The following ADK variants were observed in gnomAD, a reference collection of about 807,000 sequenced individuals.
ADK encodes adenosine kinase, also known as N6,N6-dimethyladenosine kinase.
A neutral mutation model predicts 44.7 loss-of-function variants in ADK; 24 were observed. The ratio of observed to expected loss-of-function variants is 0.54; its 90% confidence interval spans 0.39 to 0.76. ADK has a LOEUF of 0.76. ADK is among the 30% of genes least tolerant of loss of function. The pLI is 0.00. For missense variants in ADK, 321 were observed against 425.1 expected (o/e 0.76, Z 2.15); for synonymous variants, 128 against 142.6 (o/e 0.90, Z 0.73).
rs563673309 is a variant in ADK, at chr10:74,217,595, T to G, written c.141-6943T>G. Among the ~76,000 whole-genome samples the G allele has an allele frequency of 9.1e-4, 138 of 152,154 alleles. 1 individual carries two copies. The South Asian group carries it at 0.027, about 30-fold the overall frequency. On this transcript the variant is annotated intron_variant, in intron 2 of 10. Coordinates refer to ENST00000539909, the MANE Select transcript of ADK (RefSeq NM_006721.4). ...AAGTGGGTCCCTGACCCCTGACCCC[T>G]GAGCAGCCTAACTGGGAGGCACCCC... is the stretch of plus-strand genomic sequence containing the variant.
intron 7 of ADK, among the ~76,000 whole-genome samples, chr10:74,574,989 G>GA (rs374117126): frequency 6.6e-6 from 1 of 152,152 alleles, no homozygotes; most frequent in Non-Finnish European, 1.5e-5. Context: ...AGGTGGGGGG[G>GA]AAACAGAGTA....
intron 1 of ADK, among the ~76,000 whole-genome samples, chr10:74,194,491 A>G (rs978752452): frequency 5.3e-5 from 8 of 152,200 alleles, no homozygotes; most frequent in African/African-American, 1.7e-4. Context: ...AGTAGATTCA[A>G]TGTCCTTTAA....
At position 74,330,381 on chromosome 10, in the gene ADK, C is replaced by T. The variant is rs141974102; in HGVS notation, c.273+15636C>T. Among the ~76,000 whole-genome samples, 665 of 152,082 alleles carry T rather than the reference C, an allele frequency of 4.4e-3. 3 individuals are homozygous for T. Among genetic ancestry groups the T allele is most frequent in the Non-Finnish European group, 6.7e-3 (457 of 67,980 alleles). ...ATGCTATGATTGCTCCTGTGAATAG[C>T]CATTTTACTCTATCCTGGGAAACAC... On this transcript the variant is annotated intron_variant, in intron 4 of 10. Transcript: ENST00000539909.
chr10:74,685,613 T>C (rs890491482), intron 10 of ADK, among the ~76,000 whole-genome samples: 1 of 152,230 alleles, frequency 6.6e-6, no homozygotes, highest in African/African-American at 2.4e-5. Context: ...TGTATTTAGA[T>C]CATTCTTCCA....
intron 8 of ADK, among the ~76,000 whole-genome samples, chr10:74,599,927 T>C (rs2133962159): frequency 6.6e-6 from 1 of 152,300 alleles, no homozygotes; most frequent in South Asian, 2.1e-4. Context: ...TAAATTTTCC[T>C]CTTTATAAAA....
rs528830016 is a variant in ADK, at chr10:74,694,234, A to G, written c.965-14087A>G. The stretch of plus-strand genomic sequence containing the variant: ...GGATCTGACTAAAGACTAAAAATGG[A>G]AGGAAACACAAGTAGAAATTATAAA... On this transcript the variant is annotated intron_variant, in intron 10 of 10. Coordinates refer to ENST00000539909, the MANE Select transcript of ADK (RefSeq NM_006721.4). 4.5e-4 allele frequency among the ~76,000 whole-genome samples: 65 copies of G among 144,756 alleles called. No individual in the cohort carries two copies. The East Asian group carries it at 8.5e-3, about 19-fold the overall frequency. The allele number at this position is 144,756 out of a possible 152,430, so 95.0% of individuals were successfully genotyped here.
intron 3 of ADK, among the ~76,000 whole-genome samples, chr10:74,271,659 G>C (rs188799394): frequency 0.017 from 2,454 of 141,110 alleles, 59 homozygotes; most frequent in African/African-American, 0.053. Context: ...GAGAACATGC[G>C]GTGTTTGGTT....
At chr10:74,176,858 C>G (rs774169623) in intron 1 of ADK, 5 of 1,608,504 alleles carry the variant, frequency 3.1e-6, no homozygotes, top group Non-Finnish European at 3.4e-6. Context: ...TGGCGCTGGG[C>G]AGGAGGGCGA....
At chr10:74,678,878 TA>T (rs1250026884) in intron 10 of ADK, among the ~76,000 whole-genome samples, 3 of 152,230 alleles carry the variant, frequency 2.0e-5, no homozygotes, top group Non-Finnish European at 4.4e-5. Context: ...CAGCTGCTAT[TA>T]AATGAATCTG....
intron 2 of ADK, among the ~76,000 whole-genome samples, chr10:74,201,684 CTA>C (rs1843397072): frequency 3.9e-5 from 2 of 51,778 alleles, no homozygotes; most frequent in Non-Finnish European, 1.0e-4. Context: ...ATGTATCTAT[CTA>C]TCTATCTATC....
intron 4 of ADK, among the ~76,000 whole-genome samples, chr10:74,384,094 T>TTA (rs935410493): frequency 2.0e-5 from 3 of 152,076 alleles, no homozygotes; most frequent in East Asian, 1.9e-4. Flanking sequence ...ACAACTCCTA[T>TTA]TATATATATA....
intron 1 of ADK, among the ~76,000 whole-genome samples, chr10:74,185,859 A>T (rs1455321474): frequency 6.7e-6 from 1 of 149,616 alleles, no homozygotes; most frequent in Non-Finnish European, 1.5e-5. Context: ...AAAAAAAAAA[A>T]AAAAAAGAAA....
At chr10:74,602,611 G>T (rs1852182339) in intron 9 of ADK, among the ~76,000 whole-genome samples, 1 of 152,062 alleles carries the variant, frequency 6.6e-6, no homozygotes, top group African/African-American at 2.4e-5. Flanking sequence ...CTTACAAGCT[G>T]GAATTTATTT....
At chr10:74,653,614 C>T (rs931106250) in intron 9 of ADK, among the ~76,000 whole-genome samples, 1 of 152,070 alleles carries the variant, frequency 6.6e-6, no homozygotes, top group Admixed American at 6.6e-5. Context: ...GTTGTTTTTA[C>T]AGGTAATTAA....
chr10:74,287,906 C>T (rs12098289), intron 3 of ADK, among the ~76,000 whole-genome samples: 96,057 of 148,072 alleles, frequency 0.65, 32,297 homozygotes, highest in Middle Eastern at 0.81. Context: ...CACTTGAGCC[C>T]GGGAGGTTGA....
chr10:74,274,542 C>G (rs1005965132), intron 3 of ADK, among the ~76,000 whole-genome samples: 13 of 150,130 alleles, frequency 8.7e-5, no homozygotes, highest in African/African-American at 2.5e-4. Flanking sequence ...CCAGCCTGGG[C>G]GACAAGAGCA....
chr10:74,573,374 A>T (rs1248820392), intron 7 of ADK, among the ~76,000 whole-genome samples: 1 of 152,190 alleles, frequency 6.6e-6, no homozygotes, highest in Admixed American at 6.5e-5. Flanking sequence ...TTTTTGTCTC[A>T]GAGGAGTGCC....
Position 74,246,104 on chromosome 10 carries a change from A to G in ADK, c.194+21513A>G, listed in dbSNP as rs555304516. ...CCAGGAGTTCTCAGATTGTGATTCA[A>G]GGGCCTCTTGTGGGAGGGGGGGGTC... On this transcript the variant is annotated intron_variant, in intron 3 of 10. Transcript: ENST00000539909. 2.6e-5 allele frequency among the ~76,000 whole-genome samples: 4 copies of G among 151,366 alleles called. No individual in the cohort carries two copies. The South Asian group carries it at 6.3e-4, about 24-fold the overall frequency.
intron 6 of ADK, among the ~76,000 whole-genome samples, chr10:74,441,162 T>G (rs1845394227): frequency 6.6e-6 from 1 of 151,974 alleles, no homozygotes; most frequent in South Asian, 2.1e-4. Flanking sequence ...AAGCAAGGAG[T>G]TTTAATAAGC....
Sources: allele counts gnomAD v4.1 joint callset (sites outside exome capture counted in the v4.1 genomes callset), GRCh38; gene constraint gnomAD v4.1.1; transcripts MANE v1.5; gene names NCBI Gene and HGNC (gene_info 2026-07-23, HGNC 2026-07-21).